DCX: variants seen among roughly 807,000 people sequenced by gnomAD.
DCX encodes neuronal migration protein doublecortin.
DCX carries 4 observed loss-of-function variants against 20.9 expected under a neutral mutation model. The observed-to-expected ratio is 0.19, with a 90% confidence interval of 0.09 to 0.44. DCX has a LOEUF of 0.44. Ranked by LOEUF, DCX falls within the 20% of genes least tolerant of loss-of-function variation. The probability of loss-of-function intolerance (pLI) is 0.99; values close to 1 mark genes in which losing one functional copy is unlikely to be tolerated. For missense variants in DCX, 133 were observed against 296.9 expected (o/e 0.45, Z 4.06); for synonymous variants, 103 against 111.4 (o/e 0.92, Z 0.47).
At chrX:111,308,856 C>T (rs903076959) in intron 6 of DCX, among the ~76,000 whole-genome samples, 3 of 109,326 alleles carry the variant, frequency 2.7e-5, no homozygotes, top group African/African-American at 1.0e-4. Flanking sequence ...AGTTTCCTTA[C>T]GTTTCTAGAT....
At chrX:111,327,224 T>C (rs1262294678) in intron 5 of DCX, among the ~76,000 whole-genome samples, 1 of 111,844 alleles carries the variant, frequency 8.9e-6, no homozygotes, top group East Asian at 2.8e-4. Context: ...TTTATAAATC[T>C]GTTCACAAGT....
rs1315356898 is a variant in DCX, at chrX:111,294,967, T to C, written c.*6720A>G. On this transcript the variant is annotated 3_prime_UTR_variant, in exon 7 of 7. Transcript: ENST00000636035. ...GCCATAAAAACATTTTCTGTACAAGTTTAATGGCACAAAAAGGTGATCAAA... is the reference window on the plus strand; with the variant it reads ...GCCATAAAAACATTTTCTGTACAAGCTTAATGGCACAAAAAGGTGATCAAA... 1 of 112,367 alleles carries C rather than the reference T, an allele frequency of 8.9e-6. No individual in the cohort carries two copies. Among genetic ancestry groups the C allele is most frequent in the East Asian group, 2.8e-4 (1 of 3,559 alleles). The allele number at this position is 112,367 out of a possible 1,213,427, so 9.3% of individuals were successfully genotyped here. A position where few individuals can be genotyped will look rare whatever the true frequency, so the allele number is the denominator to read the frequency against.
At chrX:111,342,926 G>A (rs1371958301) in intron 3 of DCX, among the ~76,000 whole-genome samples, 1 of 111,209 alleles carries the variant, frequency 9.0e-6, no homozygotes, top group Non-Finnish European at 1.9e-5. Flanking sequence ...AGTGTTAAGA[G>A]GGAAATTTAC....
intron 6 of DCX, among the ~76,000 whole-genome samples, chrX:111,306,381 C>G (rs1239337061): frequency 9.0e-6 from 1 of 111,311 alleles, no homozygotes; most frequent in African/African-American, 3.3e-5. Flanking sequence ...ATCCAGAAAA[C>G]ATAAATACAA....
At chrX:111,315,595 G>C (rs1445875645) in intron 5 of DCX, among the ~76,000 whole-genome samples, 5 of 1,887 alleles carry the variant, frequency 2.6e-3, no homozygotes, top group East Asian at 0.011. Flanking sequence ...ACCCAAATGA[G>C]TATAAATCAT....
chrX:111,361,503 G>A (rs1362549992), intron 3 of DCX, among the ~76,000 whole-genome samples: 1 of 111,876 alleles, frequency 8.9e-6, no homozygotes, highest in Non-Finnish European at 1.9e-5. Context: ...CGAAACAGTT[G>A]AAACAGTTTG....
intron 5 of DCX, among the ~76,000 whole-genome samples, chrX:111,319,781 G>T (rs2095082205): frequency 8.9e-6 from 1 of 112,048 alleles, no homozygotes; most frequent in East Asian, 2.8e-4. Context: ...TAAAGTCTGA[G>T]TGGTGGGCAA....
At position 111,323,999 on chromosome X, in the gene DCX, A is replaced by G. The variant is rs192636697; in HGVS notation, c.946+6905T>C. Among the ~76,000 whole-genome samples, 179 of 111,911 alleles carry G rather than the reference A, an allele frequency of 1.6e-3. 1 individual carries two copies. The highest frequency in any genetic ancestry group is 2.9e-3 in the Non-Finnish European group (152 of 53,100). ...GGGTATGCAGGATTAATGAGTGGGAAGTCAAAAATAGCACCAGGGTGTTGA... is the reference window on the plus strand; with the variant it reads ...GGGTATGCAGGATTAATGAGTGGGAGGTCAAAAATAGCACCAGGGTGTTGA... On this transcript the variant is annotated intron_variant, in intron 5 of 6. Transcript: ENST00000636035.
intron 2 of DCX, among the ~76,000 whole-genome samples, chrX:111,403,278 G>A (rs1927954312): frequency 8.9e-6 from 1 of 111,886 alleles, no homozygotes; most frequent in Admixed American, 9.5e-5. Context: ...ATGGTGGTGT[G>A]GAAATGTGTG....
chrX:111,403,909 G>A (rs909432462), intron 2 of DCX, among the ~76,000 whole-genome samples: 8 of 110,224 alleles, frequency 7.3e-5, no homozygotes, highest in Non-Finnish European at 1.5e-4. Flanking sequence ...AGCTGGGCGT[G>A]GTGGCACATG....
Position 111,382,717 on chromosome X carries a change from C to A in DCX, c.705+18273G>T, listed in dbSNP as rs749102377. Among the ~76,000 whole-genome samples, 162 of 111,627 alleles carry A rather than the reference C, an allele frequency of 1.5e-3. 1 individual carries two copies. The highest frequency in any genetic ancestry group is 5.2e-3 in the African/African-American group (161 of 30,720). ...AGACCTAACACACATAAAAAAATAA[C>A]TGCAAAACAATGAAGTGATAAACTC... On this transcript the variant is annotated intron_variant, in intron 3 of 6. Transcript: ENST00000636035.
chrX:111,411,128 G>A, intron 1 of DCX: 1 of 477,754 alleles, frequency 2.1e-6, no homozygotes, highest in Non-Finnish European at 3.6e-6. Context: ...GCAGCTATCC[G>A]ACATTCATAA....
intron 6 of DCX, among the ~76,000 whole-genome samples, chrX:111,311,698 C>T (rs1282668635): frequency 8.9e-6 from 1 of 112,289 alleles, no homozygotes; most frequent in Non-Finnish European, 1.9e-5. Flanking sequence ...TCAATTTCCT[C>T]ATCTGTAAAA....
intron 2 of DCX, among the ~76,000 whole-genome samples, chrX:111,407,050 A>G (rs905328729): frequency 1.8e-5 from 2 of 112,327 alleles, no homozygotes; most frequent in Admixed American, 1.9e-4. Flanking sequence ...CTAACCAGCT[A>G]TAAACTAGGA....
At chrX:111,404,176 G>C (rs772958862) in intron 2 of DCX, among the ~76,000 whole-genome samples, 9 of 111,130 alleles carry the variant, frequency 8.1e-5, no homozygotes, top group Middle Eastern at 4.7e-3. Context: ...GAATAGAAGC[G>C]AGAACAAGAA....
intron 5 of DCX, among the ~76,000 whole-genome samples, chrX:111,317,362 T>G (rs1404401893): frequency 9.0e-6 from 1 of 111,388 alleles, no homozygotes; most frequent in East Asian, 2.8e-4. Context: ...CTAGGATAAC[T>G]GGCTAGCAAT....
intron 3 of DCX, among the ~76,000 whole-genome samples, chrX:111,337,077 C>T (rs143786506): frequency 0.014 from 1,607 of 112,292 alleles, 16 homozygotes; most frequent in Admixed American, 0.03. Flanking sequence ...ATACAAAGTC[C>T]ACCTTAGCTA....
intron 3 of DCX, among the ~76,000 whole-genome samples, chrX:111,352,341 T>C (rs777856355): frequency 8.9e-6 from 1 of 111,902 alleles, no homozygotes; most frequent in Non-Finnish European, 1.9e-5. Context: ...TGACGATGGC[T>C]TTATTGCTTC....
At chrX:111,401,389 T>C in intron 2 of DCX, 59 bp from the exon 3 acceptor site, 1 of 993,769 alleles carries the variant, frequency 1.0e-6, no homozygotes, top group Non-Finnish European at 1.4e-6. Context: ...TGGATTATTC[T>C]AACCAAACTA....
Sources: gnomAD v4.1 joint callset for allele counts (sites outside exome capture counted in the v4.1 genomes callset) on GRCh38, gnomAD v4.1.1 for gene constraint, MANE v1.5 for transcripts, NCBI Gene and HGNC (gene_info 2026-07-23, HGNC 2026-07-21) for gene names.